TUSC3: variants seen among roughly 807,000 people sequenced by gnomAD.
TUSC3 encodes dolichyl-diphosphooligosaccharide--protein glycosyltransferase subunit TUSC3.
A neutral mutation model predicts 44.8 loss-of-function variants in TUSC3; 45 were observed. The ratio of observed to expected loss-of-function variants is 1.00; its 90% CI spans 0.79 to 1.29. The LOEUF is 1.29. TUSC3 is among the 50% of genes most tolerant of loss of function. The pLI is 0.00. For missense variants in TUSC3, 519 were observed against 437.9 expected, an observed-to-expected ratio of 1.19 and a Z score of -1.65; for synonymous variants, 212 against 152.9, an observed-to-expected ratio of 1.39 and a Z score of -2.85.
chr8:15,747,103 T>C (rs1268686763), intron 8 of TUSC3, among the ~76,000 whole-genome samples: 1 of 152,042 alleles, frequency 6.6e-6, no homozygotes, highest in East Asian at 1.9e-4. Flanking sequence ...TCCTGTAGAG[T>C]TGCATAAAAA....
At chr8:15,621,830 A>T (rs1805260126) in intron 1 of TUSC3, among the ~76,000 whole-genome samples, 1 of 149,664 alleles carries the variant, frequency 6.7e-6, no homozygotes, top group Admixed American at 6.7e-5. Context: ...TTTTTCATAC[A>T]GTTAGCATGC....
intron 2 of TUSC3, among the ~76,000 whole-genome samples, chr8:15,628,995 T>A (rs1489013493): frequency 6.6e-6 from 1 of 152,206 alleles, no homozygotes; most frequent in East Asian, 1.9e-4. Flanking sequence ...TAAGCTAGAT[T>A]TCCACAAGGG....
chr8:15,504,369 AC>A (rs1203006461), intron 2 of TUSC3, among the ~76,000 whole-genome samples: 3 of 151,920 alleles, frequency 2.0e-5, no homozygotes, highest in Non-Finnish European at 4.4e-5. Context: ...AGTCCATTAA[AC>A]TACTGAGTGT....
chr8:15,435,550 T>C (rs1199223058), intron 1 of TUSC3, among the ~76,000 whole-genome samples: 1 of 152,236 alleles, frequency 6.6e-6, no homozygotes, highest in Non-Finnish European at 1.5e-5. Flanking sequence ...AGTACTGGAC[T>C]GTTTCCAATT....
At position 15,435,618 on chromosome 8, in the gene TUSC3, A is replaced by T. The variant is rs190973311; in HGVS notation, n.91+18313A>T. On this transcript the variant is annotated intron_variant and non_coding_transcript_variant, in intron 1 of 5. Coordinates refer to the TUSC3 transcript ENST00000503191. ...TTTAGAGGTACCTGGTGCCTAAAAC[A>T]TATGCAAGATTTTATTAAAATGTAT... is the stretch of plus-strand genomic sequence containing the variant. Among the ~76,000 whole-genome samples, 9 of 152,288 alleles carry T rather than the reference A, an allele frequency of 5.9e-5. No homozygotes were observed. The East Asian group carries it at 1.5e-3, about 26-fold the overall frequency.
intron 2 of TUSC3, among the ~76,000 whole-genome samples, chr8:15,499,429 C>T (rs1800927787): frequency 6.6e-6 from 1 of 152,170 alleles, no homozygotes; most frequent in Non-Finnish European, 1.5e-5. Flanking sequence ...TCCAGTCACA[C>T]TCCACGCCTC....
In TUSC3 at chr8:15,691,258, C is replaced by T. The variant is rs10216527; in HGVS notation, c.798+17422C>T. 6.0e-3 allele frequency among the ~76,000 whole-genome samples: 916 copies of T among 152,064 alleles called. 12 individuals carry two copies. The highest frequency in any genetic ancestry group is 0.02 in the African/African-American group (846 of 41,498). On this transcript the variant is annotated intron_variant, in intron 6 of 10. Transcript: ENST00000503731. ...AACCTGTATTCTTAAGTATTTTATT[C>T]TTTTTGTGGCAGTTGTGAATGGGAT...
the TUSC3 span, among the ~76,000 whole-genome samples, chr8:15,789,913 C>T: frequency 2.6e-5 from 4 of 152,138 alleles, no homozygotes; most frequent in South Asian, 8.3e-4. Flanking sequence ...GTTCTTGACT[C>T]TGCCCAGGAA....
chr8:15,695,878 G>A (rs1459539464), intron 6 of TUSC3, among the ~76,000 whole-genome samples: 24 of 152,138 alleles, frequency 1.6e-4, no homozygotes, highest in Admixed American at 1.5e-3. Context: ...GGTATGTGGT[G>A]GAAGAAATTT....
intron 1 of TUSC3, among the ~76,000 whole-genome samples, chr8:15,558,276 T>A (rs199781090): frequency 3.0e-5 from 1 of 33,090 alleles, no homozygotes; most frequent in African/African-American, 6.3e-5. Flanking sequence ...GTGGTTTTTG[T>A]CTTTGGCTCT....
At chr8:15,664,132 A>G (rs939785249) in intron 5 of TUSC3, among the ~76,000 whole-genome samples, 5 of 151,874 alleles carry the variant, frequency 3.3e-5, no homozygotes, top group Non-Finnish European at 5.9e-5. Flanking sequence ...AGGAATTTAT[A>G]TTGTCCTCAT....
chr8:15,598,684 A>C (rs1021922641), intron 1 of TUSC3, among the ~76,000 whole-genome samples: 4 of 151,834 alleles, frequency 2.6e-5, no homozygotes, highest in Non-Finnish European at 2.9e-5. Context: ...ATAAAGTTGG[A>C]ATCATACAGT....
intron 2 of TUSC3, among the ~76,000 whole-genome samples, chr8:15,508,846 TA>T (rs1290342949): frequency 6.6e-6 from 1 of 152,238 alleles, no homozygotes; most frequent in Non-Finnish European, 1.5e-5. Context: ...CTTACTCTGC[TA>T]CTCACTCTGT....
At chr8:15,461,396 C>G (rs1800342788) in intron 1 of TUSC3, among the ~76,000 whole-genome samples, 1 of 152,028 alleles carries the variant, frequency 6.6e-6, no homozygotes, top group African/African-American at 2.4e-5. Flanking sequence ...TATCCAGAAA[C>G]TTTACTGAAT....
the TUSC3 span, among the ~76,000 whole-genome samples, chr8:15,775,649 T>TAC: frequency 5.5e-5 from 7 of 127,352 alleles, no homozygotes; most frequent in African/African-American, 1.1e-4. Flanking sequence ...TATATATATA[T>TAC]ACACACACAT....
intron 1 of TUSC3, among the ~76,000 whole-genome samples, chr8:15,589,828 A>G (rs780692470): frequency 3.9e-5 from 6 of 152,228 alleles, no homozygotes; most frequent in African/African-American, 7.2e-5. Flanking sequence ...GAGCCAAGCC[A>G]TGAACAAAAT....
intron 6 of TUSC3, among the ~76,000 whole-genome samples, chr8:15,680,241 G>A (rs1038917521): frequency 6.6e-6 from 1 of 151,892 alleles, no homozygotes; most frequent in East Asian, 1.9e-4. Flanking sequence ...CCATTTATTT[G>A]TGTCATCTAT....
chr8:15,782,024 A>G, the TUSC3 span, among the ~76,000 whole-genome samples: 1 of 152,196 alleles, frequency 6.6e-6, no homozygotes, highest in African/African-American at 2.4e-5. Flanking sequence ...AATCCCAGCT[A>G]CTTGGGAGGC....
intron 1 of TUSC3, among the ~76,000 whole-genome samples, chr8:15,603,096 C>G (rs1804360063): frequency 6.6e-6 from 1 of 151,434 alleles, no homozygotes; most frequent in South Asian, 2.1e-4. Context: ...AAGTCCTAGA[C>G]AGAAGATATC....
Sources: allele counts gnomAD v4.1 joint callset (sites outside exome capture counted in the v4.1 genomes callset), GRCh38; gene constraint gnomAD v4.1.1; transcripts MANE v1.5; gene names NCBI Gene and HGNC (gene_info 2026-07-23, HGNC 2026-07-21).